Variants in UNC13C observed in about 807,000 individuals in gnomAD.
UNC13C encodes protein unc-13 homolog C.
A neutral mutation model predicts 245.4 loss-of-function variants in UNC13C; 174 were observed. The ratio of observed to expected loss-of-function variants is 0.71; its 90% CI spans 0.63 to 0.80. The LOEUF (loss-of-function observed/expected upper bound fraction) is 0.80. UNC13C is among the 30% of genes least tolerant of loss of function. The pLI, the probability that UNC13C is intolerant of heterozygous loss-of-function variation, is 0.00. For missense variants in UNC13C, 2,829 were observed against 2,602.9 expected (o/e 1.09, Z -1.89); for synonymous variants, 992 against 895.1 (o/e 1.11, Z -1.93).
At chr15:54,039,086 T>C (rs1896707564) in intron 2 of UNC13C, among the ~76,000 whole-genome samples, 1 of 152,212 alleles carries the variant, frequency 6.6e-6, no homozygotes, top group Non-Finnish European at 1.5e-5. Context: ...AGGGACCTCA[T>C]GCCCTTTAGA....
At chr15:54,449,066 T>C (rs1891002923) in intron 19 of UNC13C, among the ~76,000 whole-genome samples, 1 of 152,198 alleles carries the variant, frequency 6.6e-6, no homozygotes, top group South Asian at 2.1e-4. Flanking sequence ...AATTCTGGGT[T>C]GAAAATTCTT....
intron 2 of UNC13C, among the ~76,000 whole-genome samples, chr15:54,020,143 C>T (rs1895829132): frequency 6.6e-6 from 1 of 152,180 alleles, no homozygotes; most frequent in Non-Finnish European, 1.5e-5. Flanking sequence ...ATCATCAGAA[C>T]ACATTTGAAG....
the UNC13C span, among the ~76,000 whole-genome samples, chr15:53,946,107 CATT>C: frequency 1.3e-5 from 2 of 152,040 alleles, no homozygotes; most frequent in Non-Finnish European, 2.9e-5. Flanking sequence ...ACTTTGCTAA[CATT>C]GTTTATCTGC....
At chr15:53,931,651 T>TTTA in the UNC13C span, among the ~76,000 whole-genome samples, 1 of 152,104 alleles carries the variant, frequency 6.6e-6, no homozygotes, top group Non-Finnish European at 1.5e-5. Context: ...TAGTCTAAGC[T>TTTA]TTAAAATACA....
intron 2 of UNC13C, among the ~76,000 whole-genome samples, chr15:54,030,298 A>T (rs936158144): frequency 6.6e-6 from 1 of 152,152 alleles, no homozygotes; most frequent in African/African-American, 2.4e-5. Context: ...TAGACCATTA[A>T]GCTGAATGTT....
intron 31 of UNC13C, among the ~76,000 whole-genome samples, chr15:54,622,811 CA>C (rs1232502176): frequency 6.6e-6 from 1 of 151,938 alleles, no homozygotes; most frequent in Non-Finnish European, 1.5e-5. Context: ...ATGAGTGGCT[CA>C]ATTTGTTGGT....
chr15:54,016,953 A>G (rs1895688017), intron 2 of UNC13C, among the ~76,000 whole-genome samples: 1 of 152,224 alleles, frequency 6.6e-6, no homozygotes, highest in African/African-American at 2.4e-5. Flanking sequence ...ATCTGCAGCC[A>G]GTAGCTGGTT....
intron 4 of UNC13C, among the ~76,000 whole-genome samples, chr15:54,186,247 T>C (rs1260243156): frequency 6.6e-6 from 1 of 152,200 alleles, no homozygotes; most frequent in East Asian, 1.9e-4. Flanking sequence ...CTTTTCCAAA[T>C]TGAATGCCCT....
At chr15:54,122,861 T>C (rs2030768739) in intron 2 of UNC13C, among the ~76,000 whole-genome samples, 1 of 152,108 alleles carries the variant, frequency 6.6e-6, no homozygotes, top group Non-Finnish European at 1.5e-5. Flanking sequence ...CATGTGTTGA[T>C]TGACATTTAT....
intron 4 of UNC13C, among the ~76,000 whole-genome samples, chr15:54,223,025 T>C (rs1052004209): frequency 8.5e-5 from 13 of 152,176 alleles, no homozygotes; most frequent in Non-Finnish European, 1.6e-4. Context: ...TTGCAAATAT[T>C]TTCTCCCATT....
chr15:54,534,563 C>G (rs1255864615), intron 26 of UNC13C, among the ~76,000 whole-genome samples: 1 of 152,094 alleles, frequency 6.6e-6, no homozygotes, highest in Non-Finnish European at 1.5e-5. Flanking sequence ...CACTAGCTAC[C>G]CAGCAATAGT....
Position 54,321,569 on chromosome 15 carries a change from C to T in UNC13C, c.4269-370C>T, listed in dbSNP as rs867564254. Reference sequence around the variant, plus strand: ...TACCACATAGCCTGTGAGTGTTCCCCGTCACCCCTCAGACTCACATTAACT... The same window carrying T: ...TACCACATAGCCTGTGAGTGTTCCCTGTCACCCCTCAGACTCACATTAACT... On this transcript the variant is annotated intron_variant, in intron 13 of 32. Transcript: ENST00000260323. The T allele has an allele frequency of 2.5e-4, 103 of 405,544 alleles. 1 individual carries two copies. The highest frequency in any genetic ancestry group is 2.5e-3 in the Middle Eastern group (3 of 1,186). 25.1% of individuals were successfully genotyped at this position (405,544 alleles called of 1,614,324 possible). A position where few individuals can be genotyped will look rare whatever the true frequency, so the allele number is the denominator to read the frequency against.
chr15:54,218,655 G>T (rs921196283), intron 4 of UNC13C, among the ~76,000 whole-genome samples: 1 of 151,846 alleles, frequency 6.6e-6, no homozygotes, highest in Non-Finnish European at 1.5e-5. Context: ...AAGCAATCAG[G>T]GATACTGAAT....
intron 2 of UNC13C, among the ~76,000 whole-genome samples, chr15:54,038,124 A>ATATATTT: frequency 4.4e-5 from 2 of 45,042 alleles, no homozygotes; most frequent in African/African-American, 1.1e-4. Flanking sequence ...ATATATATAT[A>ATATATTT]TTTTTTTTTT....
chr15:54,261,206 A>G (rs1292936019), intron 8 of UNC13C, among the ~76,000 whole-genome samples: 1 of 152,196 alleles, frequency 6.6e-6, no homozygotes, highest in African/African-American at 2.4e-5. Context: ...ACACTGCTAG[A>G]CCTTCTACCA....
intron 17 of UNC13C, among the ~76,000 whole-genome samples, chr15:54,377,084 C>G (rs546707402): frequency 6.6e-6 from 1 of 152,132 alleles, no homozygotes; most frequent in Non-Finnish European, 1.5e-5. Flanking sequence ...GCCTAGCAGC[C>G]GTCAGGTGCT....
chr15:54,346,136 G>A (rs571374437), intron 17 of UNC13C, among the ~76,000 whole-genome samples: 1 of 152,112 alleles, frequency 6.6e-6, no homozygotes, highest in African/African-American at 2.4e-5. Flanking sequence ...CTGTCTTCCC[G>A]GCTAAACCGT....
At chr15:54,124,868 G>T (rs2030930329) in intron 2 of UNC13C, among the ~76,000 whole-genome samples, 1 of 152,008 alleles carries the variant, frequency 6.6e-6, no homozygotes, top group African/African-American at 2.4e-5. Flanking sequence ...ATATCCAATT[G>T]CTCAAGCACT....
At chr15:54,589,286 CTTCTTTTTTTTT>C (rs1898649531) in intron 30 of UNC13C, among the ~76,000 whole-genome samples, 4 of 77,966 alleles carry the variant, frequency 5.1e-5, no homozygotes, top group African/African-American at 8.8e-5. Context: ...TCTTCTTCTT[CTTCTTTTTTTTT>C]TTTTTTTTTT....
Sources: allele counts gnomAD v4.1 joint callset (sites outside exome capture counted in the v4.1 genomes callset), GRCh38; gene constraint gnomAD v4.1.1; transcripts MANE v1.5; gene names NCBI Gene and HGNC (gene_info 2026-07-23, HGNC 2026-07-21).